ATAD2B: variants seen among roughly 807,000 people sequenced by gnomAD.
ATAD2B encodes the protein ATPase family AAA domain-containing protein 2B.
Under a neutral mutation model 167.6 loss-of-function variants are expected in ATAD2B, and 40 were observed. That is an observed-to-expected ratio of 0.24 (90% CI 0.19 to 0.31). The LOEUF (loss-of-function observed/expected upper bound fraction) is 0.31. Ranked by LOEUF, ATAD2B falls within the 10% of genes least tolerant of loss-of-function variation. ATAD2B has a pLI of 1.00. For synonymous variants in ATAD2B, 579 were observed against 596.5 expected (o/e 0.97, Z 0.43); for missense variants, 1,242 against 1,757.2 (o/e 0.71, Z 5.24).
chr2:23,700,340 T>C, the ATAD2B span, among the ~76,000 whole-genome samples: 3 of 152,212 alleles, frequency 2.0e-5, no homozygotes, highest in African/African-American at 7.2e-5. This position sits in a 1 kb window ranked among gnomAD's most constrained non-coding sequence, Gnocchi z 4.6. Context: ...TATACACATA[T>C]TAAAAACAAA....
intron 1 of ATAD2B, among the ~76,000 whole-genome samples, chr2:23,921,090 C>A (rs11899618): frequency 0.026 from 3,871 of 150,248 alleles, 164 homozygotes; most frequent in African/African-American, 0.09. Context: ...CCTGTAATGC[C>A]AGCTACTTGG....
chr2:23,926,002 TTTTTAAAG>T (rs1422724319), intron 1 of ATAD2B, among the ~76,000 whole-genome samples: 26 of 152,332 alleles, frequency 1.7e-4, no homozygotes, highest in Admixed American at 5.9e-4. Flanking sequence ...GTTGATTTTG[TTTTTAAAG>T]TTGGTGTCAG....
chr2:23,722,582 C>T, the ATAD2B span, among the ~76,000 whole-genome samples: 2 of 151,988 alleles, frequency 1.3e-5, no homozygotes, highest in African/African-American at 4.8e-5. Context: ...ATTTATAGGA[C>T]ACCATTAAGC....
chr2:23,745,406 AAGGAAGGAAGGAAGGAAAGGG>A (rs1455619990), downstream of ATAD2B, among the ~76,000 whole-genome samples: 27 of 112,164 alleles, frequency 2.4e-4, no homozygotes, highest in African/African-American at 3.9e-4. Context: ...GGAAGGAAGG[AAGGAAGGAAGGAAGGAAAGGG>A]AAGGGAAGGG....
At chr2:23,696,404 G>A in the ATAD2B span, 9 of 1,551,524 alleles carry the variant, frequency 5.8e-6, no homozygotes, top group East Asian at 2.4e-5. This position sits in a 1 kb window ranked among gnomAD's most constrained non-coding sequence, Gnocchi z 5.5. Context: ...CTGGAACCTC[G>A]TCTCCAGAAT....
chr2:23,915,501 A>G (rs1702908047), intron 1 of ATAD2B, among the ~76,000 whole-genome samples: 1 of 150,130 alleles, frequency 6.7e-6, no homozygotes, highest in African/African-American at 2.4e-5. Context: ...TATATTGTCC[A>G]GGCTGGACTC....
chr2:23,737,358 G>A, the ATAD2B span, among the ~76,000 whole-genome samples: 3 of 152,282 alleles, frequency 2.0e-5, no homozygotes, highest in East Asian at 5.8e-4. Flanking sequence ...ACTTCCAGAG[G>A]AACGATCAGG....
intron 1 of ATAD2B, among the ~76,000 whole-genome samples, chr2:23,902,435 T>A (rs780974749): frequency 2.0e-5 from 3 of 152,134 alleles, no homozygotes; most frequent in Non-Finnish European, 2.9e-5. Flanking sequence ...ACTTCAAGCT[T>A]TGGGAAAGCT....
intron 22 of ATAD2B, among the ~76,000 whole-genome samples, chr2:23,767,448 C>G (rs1382577511): frequency 6.6e-6 from 1 of 152,088 alleles, no homozygotes; most frequent in East Asian, 1.9e-4. Flanking sequence ...AAAAACTTGC[C>G]TTGCTGAGAA....
chr2:23,908,858 A>T (rs181986989), intron 1 of ATAD2B, among the ~76,000 whole-genome samples: 3 of 152,028 alleles, frequency 2.0e-5, no homozygotes, highest in African/African-American at 7.2e-5. Context: ...GAAACTGGAA[A>T]TCATCATTCC....
At chr2:23,684,542 GCCTT>G in the ATAD2B span, 1 of 1,542,982 alleles carries the variant, frequency 6.5e-7, no homozygotes, top group African/African-American at 1.4e-5. The surrounding 1 kb of genome is among the most constrained non-coding windows in gnomAD (Gnocchi z 4.4). Flanking sequence ...TCAAAGGTTT[GCCTT>G]CCTTCCAGCT....
At chr2:23,886,838 TGAGAA>T in intron 4 of ATAD2B, among the ~76,000 whole-genome samples, 1 of 148,972 alleles carries the variant, frequency 6.7e-6, no homozygotes, top group African/African-American at 2.5e-5. Context: ...GGCTGAGGCA[TGAGAA>T]TGGCATGAAC....
chr2:23,823,211 C>T (rs1391221998), intron 16 of ATAD2B, 47 bp downstream of exon 16: 5 of 1,368,058 alleles, frequency 3.7e-6, no homozygotes, highest in Non-Finnish European at 5.0e-6. Flanking sequence ...TTTATTTATT[C>T]CTGTATTTGT....
intron 23 of ATAD2B, among the ~76,000 whole-genome samples, chr2:23,764,993 G>A (rs929502867): frequency 7.2e-5 from 11 of 152,184 alleles, no homozygotes; most frequent in Non-Finnish European, 1.5e-4. Flanking sequence ...ACACCACACT[G>A]TACTTGATTG....
At chr2:23,863,584 A>G in intron 11 of ATAD2B, 29 bp from the exon 12 acceptor site, 1 of 1,524,486 alleles carries the variant, frequency 6.6e-7, no homozygotes, top group African/African-American at 1.4e-5. Flanking sequence ...CAAGAAGTGT[A>G]AATTATATTA....
chr2:23,843,747 G>A (rs749915391), intron 13 of ATAD2B, among the ~76,000 whole-genome samples: 8 of 152,140 alleles, frequency 5.3e-5, no homozygotes, highest in Non-Finnish European at 1.0e-4. Flanking sequence ...AAAACACTCA[G>A]AAGAACTAGA....
chr2:23,729,053 C>T, the ATAD2B span, among the ~76,000 whole-genome samples: 1 of 152,140 alleles, frequency 6.6e-6, no homozygotes, highest in Non-Finnish European at 1.5e-5. Flanking sequence ...CACTTTTAAA[C>T]AACCAAATAT....
the ATAD2B span, among the ~76,000 whole-genome samples, chr2:23,698,253 G>A: frequency 3.1e-5 from 4 of 131,134 alleles, no homozygotes; most frequent in Non-Finnish European, 6.7e-5. Context: ...AGGGCCCTGA[G>A]CCCTTCCTCA....
chr2:23,820,143 AAAC>A (rs897518097), intron 16 of ATAD2B, among the ~76,000 whole-genome samples: 2 of 152,230 alleles, frequency 1.3e-5, no homozygotes, highest in East Asian at 1.9e-4. Context: ...TAAAAAAAAA[AAAC>A]AAGTCTGGAA....
Sources: gnomAD v4.1 joint callset for allele counts (sites outside exome capture counted in the v4.1 genomes callset) on GRCh38, gnomAD v4.1.1 for gene constraint, Gnocchi (gnomAD v3.1) non-coding constraint, MANE v1.5 for transcripts, NCBI Gene and HGNC (gene_info 2026-07-23, HGNC 2026-07-21) for gene names.